Variants in FYB1 observed in about 807,000 individuals in gnomAD.
FYB1 encodes the protein FYN binding protein 1.
FYB1 carries 41 observed loss-of-function variants against 94.1 expected under a neutral mutation model. The observed-to-expected ratio is 0.44, with a 90% CI of 0.34 to 0.57. FYB1 has a LOEUF of 0.57. Among genes scored for constraint, FYB1 ranks in the 20% least tolerant of loss-of-function variants. The probability of loss-of-function intolerance (pLI) is 0.02; values close to 1 mark genes in which losing one functional copy is unlikely to be tolerated. For synonymous variants in FYB1, 367 were observed against 353.2 expected, an observed-to-expected ratio of 1.04 and a Z score of -0.44; for missense variants, 1,050 against 976.8, an observed-to-expected ratio of 1.07 and a Z score of -1.00.
chr5:39,161,864 T>C (rs1203977089), intron 2 of FYB1, among the ~76,000 whole-genome samples: 2 of 152,230 alleles, frequency 1.3e-5, no homozygotes, highest in Non-Finnish European at 1.5e-5. Context: ...TCCCCAAACC[T>C]TGCTGCCATA....
At chr5:39,268,917 A>C (rs80058395) in intron 1 of FYB1, among the ~76,000 whole-genome samples, 1 of 152,090 alleles carries the variant, frequency 6.6e-6, no homozygotes, top group Non-Finnish European at 1.5e-5. Flanking sequence ...CGTTACTCAT[A>C]TATTATACCA....
In FYB1 at chr5:39,136,136, C is replaced by T. The variant is rs1465390669; in HGVS notation, c.1516-1122G>A. ...CCAGGCTAGAGTGCCGAGGCCCGAT[C>T]TCAGCTCACTGCAAGCTCTGCCTCC... On this transcript the variant is annotated intron_variant, in intron 7 of 18. Coordinates refer to ENST00000512982, the MANE Select transcript of FYB1 (RefSeq NM_001465.6). Among the ~76,000 whole-genome samples, 4 of 152,110 alleles carry T rather than the reference C, an allele frequency of 2.6e-5. No homozygotes were observed. In the South Asian group the frequency reaches 8.3e-4, roughly 32 times the overall value.
intron 3 of FYB1, among the ~76,000 whole-genome samples, chr5:39,147,931 C>T (rs1163225367): frequency 1.3e-5 from 2 of 150,644 alleles, no homozygotes; most frequent in South Asian, 2.1e-4. Flanking sequence ...CTGCTCTCCT[C>T]GGCCTCCCAA....
intron 16 of FYB1, among the ~76,000 whole-genome samples, chr5:39,116,371 A>G (rs1427215974): frequency 6.6e-6 from 1 of 152,218 alleles, no homozygotes; most frequent in African/African-American, 2.4e-5. Context: ...ATGAACTTGG[A>G]AACTGTAAAG....
At chr5:39,116,449 G>A (rs1561127291) in intron 16 of FYB1, among the ~76,000 whole-genome samples, 1 of 152,138 alleles carries the variant, frequency 6.6e-6, no homozygotes, top group East Asian at 1.9e-4. Context: ...TCTATCAGAA[G>A]TTTACGAAAC....
intron 1 of FYB1, among the ~76,000 whole-genome samples, chr5:39,226,061 C>A (rs1176650787): frequency 6.6e-6 from 1 of 152,144 alleles, no homozygotes; most frequent in Non-Finnish European, 1.5e-5. Context: ...GGCTAGGTAA[C>A]CACATAAGAG....
intron 9 of FYB1, among the ~76,000 whole-genome samples, chr5:39,132,801 A>G (rs992034662): frequency 3.9e-5 from 6 of 152,222 alleles, no homozygotes; most frequent in African/African-American, 9.6e-5. Flanking sequence ...CTTTTTAAAA[A>G]ACAAAAGGCA....
intron 7 of FYB1, chr5:39,137,292 A>G (rs1162908097): frequency 4.0e-6 from 1 of 248,040 alleles, no homozygotes; most frequent in Non-Finnish European, 7.8e-6. Flanking sequence ...TAAGTAGGCT[A>G]ATATGAAATG....
At chr5:39,115,067 A>G (rs1739400825) in intron 16 of FYB1, among the ~76,000 whole-genome samples, 1 of 151,684 alleles carries the variant, frequency 6.6e-6, no homozygotes, top group South Asian at 2.1e-4. Flanking sequence ...TTCCAAGTTG[A>G]ATAAAGTAGC....
chr5:39,219,795 C>A (rs1750149576), upstream of FYB1, among the ~76,000 whole-genome samples: 1 of 152,222 alleles, frequency 6.6e-6, no homozygotes, highest in Admixed American at 6.5e-5. Flanking sequence ...ACAAGATTCT[C>A]CTGCCTGCCA....
chr5:39,182,287 ATGTGTGTGTGTGTGTGTGTGTGTGTG>A (rs57111701), intron 2 of FYB1, among the ~76,000 whole-genome samples: 4,480 of 139,932 alleles, frequency 0.032, 139 homozygotes, highest in African/African-American at 0.065. Context: ...GTGTGCATGC[ATGTGTGTGTGTGTGTGTGTGTGTGTG>A]TGTGTGTGTG....
intron 2 of FYB1, among the ~76,000 whole-genome samples, chr5:39,164,488 G>C (rs1744538421): frequency 6.6e-6 from 1 of 152,140 alleles, no homozygotes; most frequent in Non-Finnish European, 1.5e-5. Context: ...GCAGTGATGT[G>C]ATCTCAGCTG....
chr5:39,202,928 T>G lies in FYB1; in HGVS notation c.33A>C (p.Thr11=). MAKYNTGGNP[T]EDVSVNSRPF... ...GTCGGCTATTGACTGAGACATCCTC[T>G]GTCGGGTTGCCCCCCGTGTTATATT... The change falls in exon 2 of 19, where the codon ACA becomes ACC. Residue 11 remains threonine, a synonymous_variant. Transcript: ENST00000512982. 2 of 1,613,974 alleles carry G rather than the reference T, an allele frequency of 1.2e-6. No individual in the cohort carries two copies. Among genetic ancestry groups the G allele is most frequent in the Non-Finnish European group, 1.7e-6 (2 of 1,179,894 alleles).
chr5:39,273,652 T>C (rs1349810718), intron 1 of FYB1, among the ~76,000 whole-genome samples: 1 of 152,200 alleles, frequency 6.6e-6, no homozygotes, highest in Non-Finnish European at 1.5e-5. Context: ...ATTCTTTAAA[T>C]ACTGGGGCAT....
intron 2 of FYB1, among the ~76,000 whole-genome samples, chr5:39,156,193 A>G (rs1743735249): frequency 6.6e-6 from 1 of 151,938 alleles, no homozygotes; most frequent in Non-Finnish European, 1.5e-5. Context: ...AACACTGAAA[A>G]CTGACTTTCC....
chr5:39,219,187 T>C (rs1332375696), intron 1 of FYB1, among the ~76,000 whole-genome samples: 1 of 152,168 alleles, frequency 6.6e-6, no homozygotes, highest in African/African-American at 2.4e-5. Flanking sequence ...TGAGAGGCCT[T>C]ATCCAGTTAC....
chr5:39,188,401 ATTTC>A (rs1033372464), intron 2 of FYB1, among the ~76,000 whole-genome samples: 22 of 152,192 alleles, frequency 1.4e-4, no homozygotes, highest in African/African-American at 5.1e-4. Flanking sequence ...GTGTTACAGT[ATTTC>A]TTTTAAGAAA....
chr5:39,253,556 A>C (rs1194469404), intron 1 of FYB1, among the ~76,000 whole-genome samples: 1 of 152,208 alleles, frequency 6.6e-6, no homozygotes, highest in Non-Finnish European at 1.5e-5. Flanking sequence ...ATTGTTACAC[A>C]GGTAAATGTG....
intron 3 of FYB1, among the ~76,000 whole-genome samples, chr5:39,145,902 TTTTTTTTTTC>T (rs1367826457): frequency 5.6e-5 from 6 of 106,514 alleles, no homozygotes; most frequent in Non-Finnish European, 8.5e-5. Flanking sequence ...CTCCCATTCT[TTTTTTTTTTC>T]TTTTTTTTTC....
Sources: gnomAD v4.1 joint callset for allele counts (sites outside exome capture counted in the v4.1 genomes callset) on GRCh38, gnomAD v4.1.1 for gene constraint, MANE v1.5 for transcripts, NCBI Gene and HGNC (gene_info 2026-07-23, HGNC 2026-07-21) for gene names.